The following SYNPO2 variants were observed in gnomAD, a reference collection of about 807,000 sequenced individuals.
SYNPO2 encodes the protein synaptopodin-2.
Under a neutral mutation model 85.0 loss-of-function variants are expected in SYNPO2, and 56 were observed. That is an observed-to-expected ratio of 0.66 (90% CI 0.53 to 0.82). The LOEUF (loss-of-function observed/expected upper bound fraction) is 0.82, where lower values mean the gene tolerates loss of function less well. SYNPO2 is among the 40% of genes least tolerant of loss of function. The pLI is 0.00. For missense variants in SYNPO2, 1,575 were observed against 1,534.2 expected (o/e 1.03, Z -0.44); for synonymous variants, 602 against 591.1 (o/e 1.02, Z -0.27).
intron 1 of SYNPO2, among the ~76,000 whole-genome samples, chr4:118,977,877 T>C (rs149761275): frequency 5.9e-5 from 9 of 152,358 alleles, no homozygotes; most frequent in African/African-American, 2.2e-4. Flanking sequence ...TTGCCACTTA[T>C]AATTTTGCAA....
chr4:119,027,522 G>C (rs1738024003), intron 3 of SYNPO2, 84 bp downstream of exon 3: 1 of 1,274,086 alleles, frequency 7.8e-7, no homozygotes, highest in East Asian at 2.6e-5. Flanking sequence ...TTTTCAGCAA[G>C]ATTTTTCTTA....
At chr4:118,976,516 T>A (rs538307940) in intron 1 of SYNPO2, among the ~76,000 whole-genome samples, 1 of 152,308 alleles carries the variant, frequency 6.6e-6, no homozygotes, top group South Asian at 2.1e-4. Flanking sequence ...TATTCTCTTA[T>A]CTGGCCCCAC....
intron 1 of SYNPO2, among the ~76,000 whole-genome samples, chr4:118,930,692 A>T (rs1396487833): frequency 1.3e-5 from 2 of 148,306 alleles, no homozygotes; most frequent in South Asian, 2.1e-4. Context: ...AAGTGGAAGG[A>T]TTGCTTGAGC....
At chr4:118,893,799 T>C (rs1035487087) in intron 1 of SYNPO2, among the ~76,000 whole-genome samples, 16 of 152,004 alleles carry the variant, frequency 1.1e-4, no homozygotes, top group Middle Eastern at 3.4e-3. Flanking sequence ...CACAGCAGGG[T>C]ACTATAGTTG....
At chr4:118,941,192 G>A (rs1398602474) in intron 1 of SYNPO2, among the ~76,000 whole-genome samples, 1 of 152,116 alleles carries the variant, frequency 6.6e-6, no homozygotes, top group Admixed American at 6.5e-5. Context: ...ATCTAGTCAG[G>A]TTTTTGAGCC....
At chr4:118,949,338 C>A (rs1734616643) in intron 1 of SYNPO2, among the ~76,000 whole-genome samples, 1 of 152,170 alleles carries the variant, frequency 6.6e-6, no homozygotes, top group Non-Finnish European at 1.5e-5. Context: ...AAAAACACTA[C>A]CCTAACCCTA....
chr4:118,924,203 C>T (rs1733637775), intron 1 of SYNPO2, among the ~76,000 whole-genome samples: 1 of 152,148 alleles, frequency 6.6e-6, no homozygotes. Context: ...AAAGCAATCT[C>T]TTATGTTACA....
chr4:118,984,009 A>G (rs1431767763), intron 1 of SYNPO2, among the ~76,000 whole-genome samples: 1 of 152,212 alleles, frequency 6.6e-6, no homozygotes, highest in Non-Finnish European at 1.5e-5. Context: ...GCAGAGGATT[A>G]TGAAATGTCT....
At chr4:118,851,537 G>T (rs747495901) in intron 1 of SYNPO2, among the ~76,000 whole-genome samples, 33 of 152,154 alleles carry the variant, frequency 2.2e-4, no homozygotes, top group South Asian at 6.2e-4. Context: ...AAAGAGTTTT[G>T]TGCTTTTGCT....
chr4:118,986,480 C>A lies in SYNPO2; in HGVS notation c.106-36950C>A, dbSNP rs1477685259. ...ACTCAGAGTACTACAAACCAAATTT[C>A]ATGTGGTTTTCAAAGTAGCCCCGAA... On this transcript the variant is annotated intron_variant, in intron 1 of 4. Transcript: ENST00000307142. Among the ~76,000 whole-genome samples, 5 of 152,186 alleles carry A rather than the reference C, an allele frequency of 3.3e-5. 1 individual carries two copies. The highest frequency in any genetic ancestry group is 1.2e-4 in the African/African-American group (5 of 41,432).
At chr4:118,909,222 C>A (rs867647464) in intron 1 of SYNPO2, among the ~76,000 whole-genome samples, 3 of 152,204 alleles carry the variant, frequency 2.0e-5, no homozygotes, top group Non-Finnish European at 2.9e-5. Flanking sequence ...AAGCTCTTTT[C>A]AGGGTTGTGA....
chr4:118,923,525 A>G (rs1011932649), intron 1 of SYNPO2, among the ~76,000 whole-genome samples: 3 of 152,134 alleles, frequency 2.0e-5, no homozygotes, highest in Non-Finnish European at 4.4e-5. Flanking sequence ...AAACCTGCAC[A>G]TGTACACCTG....
chr4:119,015,247 C>T (rs193245120), intron 1 of SYNPO2, among the ~76,000 whole-genome samples: 59 of 152,178 alleles, frequency 3.9e-4, no homozygotes, highest in African/African-American at 1.2e-3. Context: ...AAGGCAAGAT[C>T]GCCAGTTTAC....
chr4:119,027,215 C>T lies in SYNPO2; in HGVS notation c.846C>T (p.Pro282=). 6.2e-7 allele frequency: 1 copy of T among 1,614,058 alleles called. No homozygotes were observed. The highest frequency in any genetic ancestry group is 8.5e-7 in the Non-Finnish European group (1 of 1,180,020). The change falls in exon 3 of 5, where the codon CCC becomes CCT. Residue 282 remains proline, a synonymous_variant. Transcript: ENST00000307142. ...QESEAGDAGL[P]RVEVILDCSD... Reference sequence around the variant, plus strand: ...GTGAAGCAGGAGATGCGGGACTGCCCCGGGTGGAAGTGATCCTCGACTGCT... The same window carrying T: ...GTGAAGCAGGAGATGCGGGACTGCCTCGGGTGGAAGTGATCCTCGACTGCT...
chr4:119,015,149 G>A (rs1737480131), intron 1 of SYNPO2, among the ~76,000 whole-genome samples: 1 of 152,306 alleles, frequency 6.6e-6, no homozygotes, highest in South Asian at 2.1e-4. Flanking sequence ...GGAATCTGGA[G>A]GGAATGCCTT....
intron 1 of SYNPO2, among the ~76,000 whole-genome samples, chr4:118,949,440 G>A (rs1734620996): frequency 6.6e-6 from 1 of 152,042 alleles, no homozygotes; most frequent in Admixed American, 6.5e-5. Context: ...GAGAAAAATA[G>A]CATCTTTAAA....
At chr4:118,948,948 T>C (rs377399772) in intron 1 of SYNPO2, among the ~76,000 whole-genome samples, 2 of 152,236 alleles carry the variant, frequency 1.3e-5, no homozygotes, top group Non-Finnish European at 2.9e-5. Flanking sequence ...TGAAGGATCT[T>C]CCTTAATCTA....
chr4:118,960,674 T>C (rs534614880), intron 1 of SYNPO2, among the ~76,000 whole-genome samples: 205 of 152,186 alleles, frequency 1.3e-3, no homozygotes, highest in African/African-American at 4.7e-3. Context: ...TTAATATGGC[T>C]AGGATAATTT....
At chr4:118,991,358 G>A (rs1203945076) in intron 1 of SYNPO2, among the ~76,000 whole-genome samples, 1 of 152,002 alleles carries the variant, frequency 6.6e-6, no homozygotes, top group East Asian at 1.9e-4. Flanking sequence ...ATGTTGGACA[G>A]GCTGGTCTTG....
Sources: gnomAD v4.1 joint callset for allele counts (sites outside exome capture counted in the v4.1 genomes callset) on GRCh38, gnomAD v4.1.1 for gene constraint, MANE v1.5 for transcripts, NCBI Gene and HGNC (gene_info 2026-07-23, HGNC 2026-07-21) for gene names.